Variants in ARMH4 observed in about 807,000 individuals in gnomAD.
ARMH4 encodes the protein armadillo-like helical domain-containing protein 4.
A neutral mutation model predicts 61.9 loss-of-function variants in ARMH4; 49 were observed. The observed-to-expected ratio is 0.79, with a 90% CI of 0.63 to 1.00. The LOEUF is 1.00. Among genes scored for constraint, ARMH4 ranks in the 50% least tolerant of loss-of-function variants. The pLI is 0.00. For synonymous variants in ARMH4, 368 were observed against 341.5 expected, an observed-to-expected ratio of 1.08 and a Z score of -0.85; for missense variants, 934 against 930.0, an observed-to-expected ratio of 1.00 and a Z score of -0.06.
intron 4 of ARMH4, among the ~76,000 whole-genome samples, chr14:58,102,523 G>A (rs1886019930): frequency 6.6e-6 from 1 of 152,196 alleles, no homozygotes; most frequent in African/African-American, 2.4e-5. Flanking sequence ...CCTTATAAGA[G>A]TAAGGCGGCC....
At chr14:58,013,762 G>A (rs992891080) in intron 5 of ARMH4, among the ~76,000 whole-genome samples, 6 of 152,102 alleles carry the variant, frequency 3.9e-5, no homozygotes, top group East Asian at 1.9e-4. Context: ...CATTGGGGCC[G>A]AGCACGGTGG....
At chr14:58,135,471 G>A (rs1887272716) in intron 2 of ARMH4, among the ~76,000 whole-genome samples, 1 of 152,186 alleles carries the variant, frequency 6.6e-6, no homozygotes, top group Admixed American at 6.5e-5. Flanking sequence ...AAATAAATAT[G>A]CAGGCGCTAT....
intron 5 of ARMH4, among the ~76,000 whole-genome samples, chr14:58,043,234 C>T (rs989928889): frequency 6.6e-6 from 1 of 152,120 alleles, no homozygotes; most frequent in Admixed American, 6.5e-5. Context: ...AATCCAGCAG[C>T]ACATCAAAAA....
intron 2 of ARMH4, among the ~76,000 whole-genome samples, chr14:58,135,109 G>A (rs1887261362): frequency 6.6e-6 from 1 of 151,996 alleles, no homozygotes; most frequent in Admixed American, 6.6e-5. Flanking sequence ...TACTCATCCA[G>A]TTAACACTAT....
intron 5 of ARMH4, among the ~76,000 whole-genome samples, chr14:58,047,036 C>T (rs1395082588): frequency 6.6e-6 from 1 of 152,192 alleles, no homozygotes; most frequent in Non-Finnish European, 1.5e-5. Context: ...AACAGTTTGA[C>T]AGGCTCAGAT....
chr14:58,084,821 G>C (rs935148607), intron 5 of ARMH4, among the ~76,000 whole-genome samples: 9 of 152,154 alleles, frequency 5.9e-5, no homozygotes, highest in African/African-American at 2.2e-4. Flanking sequence ...TGACCATATA[G>C]CTATATTTTG....
chr14:58,129,742 G>A (rs1156372036), intron 4 of ARMH4, among the ~76,000 whole-genome samples: 2 of 152,154 alleles, frequency 1.3e-5, no homozygotes, highest in East Asian at 1.9e-4. Context: ...TATTATTAAC[G>A]TATACTAATT....
At chr14:58,142,317 A>C (rs1197375252) in intron 1 of ARMH4, among the ~76,000 whole-genome samples, 1 of 152,144 alleles carries the variant, frequency 6.6e-6, no homozygotes, top group East Asian at 1.9e-4. Flanking sequence ...AAGGAGTTTC[A>C]AAGCTTCCAT....
chr14:58,094,157 CTG>C (rs1885668477), intron 5 of ARMH4, among the ~76,000 whole-genome samples: 1 of 151,918 alleles, frequency 6.6e-6, no homozygotes, highest in Non-Finnish European at 1.5e-5. Flanking sequence ...TGGTGAAACC[CTG>C]TCTCTACTAA....
chr14:58,147,617 T>G lies in ARMH4; in HGVS notation c.-57+4458A>C, dbSNP rs532922213. On this transcript the variant is annotated intron_variant, in intron 1 of 7. Coordinates refer to ENST00000267485, the MANE Select transcript of ARMH4 (RefSeq NM_001001872.4). ...TGTGAGCCACCACACCCAGCTGGTT[T>G]ATTCTTAAGAATAAAAATTGCAATA... is the stretch of plus-strand genomic sequence containing the variant. Among the ~76,000 whole-genome samples the G allele has an allele frequency of 5.9e-5, 9 of 152,304 alleles. No individual in the cohort carries two copies. In the South Asian group the frequency reaches 1.4e-3, roughly 25 times the overall value.
chr14:58,136,945 T>C lies in ARMH4; in HGVS notation c.1369+1045A>G, dbSNP rs1887321941. On this transcript the variant is annotated intron_variant, in intron 2 of 7. Transcript: ENST00000267485. ...GGAAAACAAAGTTAGAAAATTCATA[T>C]AGTTAATACTATGAGATAACTGCAG... 2.6e-5 allele frequency among the ~76,000 whole-genome samples: 4 copies of C among 152,340 alleles called. No individual in the cohort carries two copies. In the South Asian group the frequency reaches 8.3e-4, roughly 32 times the overall value.
At chr14:58,040,738 C>T (rs1394181516) in intron 5 of ARMH4, among the ~76,000 whole-genome samples, 3 of 152,006 alleles carry the variant, frequency 2.0e-5, no homozygotes, top group African/African-American at 7.2e-5. Flanking sequence ...ATATATTTTC[C>T]CACCAAGATT....
intron 5 of ARMH4, among the ~76,000 whole-genome samples, chr14:58,090,000 T>TAG (rs1210047867): frequency 6.6e-6 from 1 of 152,244 alleles, no homozygotes; most frequent in Non-Finnish European, 1.5e-5. Flanking sequence ...GGTTAAAAGA[T>TAG]AGATACATGA....
At chr14:58,029,536 C>A (rs1199593197) in intron 5 of ARMH4, among the ~76,000 whole-genome samples, 1 of 152,022 alleles carries the variant, frequency 6.6e-6, no homozygotes, top group Non-Finnish European at 1.5e-5. Context: ...GCCCGGCCAG[C>A]ATAATATTCT....
Position 58,139,231 on chromosome 14 carries a change from T to G in ARMH4, c.128A>C (p.Glu43Ala). ...RRREIAHVHA[E>A]KGQSDKMNTD... ...GTTCATCTTATCGGACTGCCCTTTT[T>G]CCGCATGAACATGTGCTATCTCCCT... The change falls in exon 2 of 8, where the codon GAA becomes GCA. Residue 43 changes from glutamate (E) to alanine (A), a missense_variant. By Grantham distance (107) the Glu-to-Ala change is moderately radical (BLOSUM62 -1). Transcript: ENST00000267485. 1 of 1,614,236 alleles carries G rather than the reference T, an allele frequency of 6.2e-7. No individual in the cohort carries two copies. Among genetic ancestry groups the G allele is most frequent in the South Asian group, 1.1e-5 (1 of 91,090 alleles).
At chr14:58,015,397 A>C (rs1389640563) in intron 5 of ARMH4, among the ~76,000 whole-genome samples, 1 of 152,154 alleles carries the variant, frequency 6.6e-6, no homozygotes, top group African/African-American at 2.4e-5. Context: ...AAGGTTGAGG[A>C]AACACTATTC....
intron 5 of ARMH4, among the ~76,000 whole-genome samples, chr14:58,018,952 A>C (rs1594693799): frequency 1.3e-5 from 2 of 152,322 alleles, no homozygotes; most frequent in Middle Eastern, 6.8e-3. Flanking sequence ...AAAAGGAATA[A>C]AATCTTATCA....
intron 5 of ARMH4, among the ~76,000 whole-genome samples, chr14:58,081,278 C>T: frequency 6.6e-6 from 1 of 152,108 alleles, no homozygotes; most frequent in Non-Finnish European, 1.5e-5. Flanking sequence ...TCTCAGGCCC[C>T]ACCCAGACCT....
chr14:58,127,593 A>G (rs1030306640), intron 4 of ARMH4, among the ~76,000 whole-genome samples: 1 of 152,214 alleles, frequency 6.6e-6, no homozygotes, highest in Non-Finnish European at 1.5e-5. Context: ...ATGGGATTAT[A>G]CGCAACACTC....
Sources: gnomAD v4.1 joint callset for allele counts (sites outside exome capture counted in the v4.1 genomes callset) on GRCh38, gnomAD v4.1.1 for gene constraint, MANE v1.5 for transcripts, NCBI Gene and HGNC (gene_info 2026-07-23, HGNC 2026-07-21) for gene names.